The following PLEKHG4B variants were observed in gnomAD, a reference collection of about 807,000 sequenced individuals.
PLEKHG4B encodes the protein pleckstrin homology domain-containing family G member 4B.
PLEKHG4B carries 111 observed loss-of-function variants against 121.3 expected under a neutral mutation model. The ratio of observed to expected loss-of-function variants is 0.92; its 90% confidence interval spans 0.78 to 1.07. The LOEUF (loss-of-function observed/expected upper bound fraction) is 1.07, where lower values mean the gene tolerates loss of function less well. PLEKHG4B is among the 50% of genes least tolerant of loss of function. The probability of loss-of-function intolerance (pLI) is 0.00; values close to 1 mark genes in which losing one functional copy is unlikely to be tolerated. For synonymous variants in PLEKHG4B, 738 were observed against 725.0 expected (o/e 1.02, Z -0.29); for missense variants, 1,831 against 1,757.8 (o/e 1.04, Z -0.74).
In PLEKHG4B at chr5:123,534, T is replaced by C. The variant is rs192866774; in HGVS notation, c.243+10086T>C. ...CTTTGTTAAAAGATTTTTAAATTAC[T>C]GATTCAATCTACTTAGCAGTCATAG... On this transcript the variant is annotated intron_variant, in intron 2 of 19. Coordinates refer to ENST00000637938, the MANE Select transcript of PLEKHG4B (RefSeq NM_052909.5). 2.0e-5 allele frequency among the ~76,000 whole-genome samples: 3 copies of C among 152,346 alleles called. No homozygotes were observed. The East Asian group carries it at 5.8e-4, about 29-fold the overall frequency.
At position 144,813 on chromosome 5, in the gene PLEKHG4B, C is replaced by T. The variant is rs1214187616; in HGVS notation, c.1812-14C>T. 28 of 1,610,554 alleles carry T rather than the reference C, an allele frequency of 1.7e-5. No homozygotes were observed. The highest frequency in any genetic ancestry group is 2.1e-5 in the Non-Finnish European group (25 of 1,177,764). ...ACCTTCAGTGGTTAAGATGGGCTGT[C>T]TTTCCCTCCCCAGGAAAGAGGTCCG... On this transcript the variant is annotated splice_polypyrimidine_tract_variant and intron_variant, in intron 5 of 19. Transcript: ENST00000637938.
chr5:158,429 T>C (rs1168548070), intron 11 of PLEKHG4B, among the ~76,000 whole-genome samples: 12 of 134,654 alleles, frequency 8.9e-5, no homozygotes, highest in African/African-American at 2.9e-4. Flanking sequence ...GTCTCCTCCT[T>C]CTCCTCTCCT....
rs534060727 is a variant in PLEKHG4B at position 105,472 on chromosome 5, G to A, written c.46-7779G>A. On this transcript the variant is annotated intron_variant, in intron 1 of 19. Transcript: ENST00000637938. ...TCAGATCTACAATTTAGAAAAATTA[G>A]TTTCAATCATCTTGTCAATGGTATC... Among the ~76,000 whole-genome samples, 3 of 152,342 alleles carry A rather than the reference G, an allele frequency of 2.0e-5. No individual in the cohort carries two copies. The South Asian group carries it at 6.2e-4, about 32-fold the overall frequency.
At position 156,453 on chromosome 5, in the gene PLEKHG4B, C is replaced by T. The variant is rs1287803815; in HGVS notation, c.2348+243C>T. On this transcript the variant is annotated intron_variant, in intron 10 of 19. Transcript: ENST00000637938. The surrounding 1 kb of genome is among the most constrained non-coding windows in gnomAD (Gnocchi z 4.4). The stretch of plus-strand genomic sequence containing the variant: ...GGTGGTCAGAGTGCATCAGAATGAG[C>T]TCATTCTTGACCAGTGCTGCCTGGG... 6.6e-6 allele frequency among the ~76,000 whole-genome samples: 1 copy of T among 151,740 alleles called. No individual in the cohort carries two copies. Among genetic ancestry groups the T allele is most frequent in the Non-Finnish European group, 1.5e-5 (1 of 67,960 alleles).
At position 156,775 on chromosome 5, in the gene PLEKHG4B, A is replaced by C. The variant is rs1735796083; in HGVS notation, c.2351A>C (p.Asp784Ala). ...GAGGACTGCCTTCTCTTCCTCAGGG[A>C]CACCCTGGAGGCCGCCACAAGCCTG... Reference protein sequence around the residue: ...REELGTEDSRDTLEAATSLYD... With the variant: ...REELGTEDSRATLEAATSLYD... Residue 784 changes from aspartate to alanine, a missense_variant and splice_region_variant, in exon 11 of 20, where the codon GAC becomes GCC. Coordinates refer to ENST00000637938, the MANE Select transcript of PLEKHG4B (RefSeq NM_052909.5). The surrounding 1 kb of genome is among the most constrained non-coding windows in gnomAD (Gnocchi z 4.4). The C allele has an allele frequency of 1.3e-6, 2 of 1,551,468 alleles. No individual in the cohort carries two copies. The highest frequency in any genetic ancestry group is 3.9e-5 in the Admixed American group (2 of 51,294).
At chr5:164,887 G>A (rs1449729370) in intron 13 of PLEKHG4B, among the ~76,000 whole-genome samples, 41 of 75,310 alleles carry the variant, frequency 5.4e-4, no homozygotes, top group African/African-American at 1.6e-3. Context: ...CTGACGGGGC[G>A]GAGCTCACAC....
chr5:161,888 G>C lies in PLEKHG4B; in HGVS notation c.2593G>C (p.Glu865Gln), dbSNP rs551952673. 2 of 1,613,696 alleles carry C rather than the reference G, an allele frequency of 1.2e-6. No homozygotes were observed. Among genetic ancestry groups the C allele is most frequent in the African/African-American group, 1.3e-5 (1 of 75,058 alleles). Residue 865 changes from glutamate to glutamine, a missense_variant, in exon 12 of 20, where the codon GAG becomes CAG. Glu to Gln is a conservative substitution (Grantham distance 29). Transcript: ENST00000637938. The stretch of plus-strand genomic sequence containing the variant: ...CCTGAGCGCCGTGGTCAGCCAGGCT[G>C]AGTGCAGGGAGGGAGAGCTGGCCAG... ...RGLSAVVSQA[E>Q]CREGELARWT...
At chr5:116,855 G>T (rs957158137) in intron 2 of PLEKHG4B, among the ~76,000 whole-genome samples, 1 of 152,190 alleles carries the variant, frequency 6.6e-6, no homozygotes, top group Admixed American at 6.5e-5. Context: ...TATGTGAGGT[G>T]GTCTGTTCAG....
Position 173,126 on chromosome 5 carries a change from G to A in PLEKHG4B, c.4221+59G>A, listed in dbSNP as rs185580551. 385 of 1,554,472 alleles carry A rather than the reference G, an allele frequency of 2.5e-4. 1 individual carries two copies. The African/African-American group carries it at 2.7e-3, about 11-fold the overall frequency. On this transcript the variant is annotated intron_variant, in intron 17 of 19. Transcript: ENST00000637938. ...GAGCCAGGCCCTCCAAGGGGGTCTC[G>A]GACCCTTGTCTCACCTAAGGCCAGC...
chr5:169,073 A>G lies in PLEKHG4B; in HGVS notation c.3477-267A>G, dbSNP rs1159166886. ...GTATTTTGAGTAGAGACGAGGTTTC[A>G]CCATGTTGGCCAGGCTGGTCTCGAT... On this transcript the variant is annotated intron_variant, in intron 13 of 19. Coordinates refer to ENST00000637938, the MANE Select transcript of PLEKHG4B (RefSeq NM_052909.5). 3.1e-5 allele frequency: 14 copies of G among 454,132 alleles called. No homozygotes were observed. In the Admixed American group the frequency reaches 5.5e-4, roughly 18 times the overall value. 28.1% of individuals were successfully genotyped at this position (454,132 alleles called of 1,614,324 possible). A position where few individuals can be genotyped will look rare whatever the true frequency, so the allele number is the denominator to read the frequency against.
In PLEKHG4B at chr5:140,480, TAG is replaced by T; in HGVS notation, c.1245_1246del (p.Lys416GlyfsTer175). On this transcript the variant is annotated frameshift_variant, in exon 3 of 20. Transcript: ENST00000637938. LOFTEE classifies it high-confidence loss of function. ...GGAGACCCCCAACAGACCCCAAGTC[TAG>T]AGAAGGAGAGGCACACACCCAGCCG... The T allele has an allele frequency of 6.3e-7, 1 of 1,593,820 alleles. No individual in the cohort carries two copies. Among genetic ancestry groups the T allele is most frequent in the Non-Finnish European group, 8.5e-7 (1 of 1,170,614 alleles).
Position 185,599 on chromosome 5 carries a change from T to G in PLEKHG4B, c.*3276T>G, listed in dbSNP as rs1051271010. ...ATGCCACTGCCCCCGTGAAAGCCAC[T>G]TCAAGCGTGTTGCTTCAAATCAGAA... On this transcript the variant is annotated 3_prime_UTR_variant, in exon 20 of 20. Coordinates refer to ENST00000637938, the MANE Select transcript of PLEKHG4B (RefSeq NM_052909.5). The G allele has an allele frequency of 7.2e-5, 11 of 152,300 alleles. No homozygotes were observed. The highest frequency in any genetic ancestry group is 2.0e-4 in the Admixed American group (3 of 15,284). 9.4% of individuals were successfully genotyped at this position (152,300 alleles called of 1,614,324 possible).
Position 188,912 on chromosome 5 carries a change from AGGGGCCAGC to A in PLEKHG4B, c.*6593_*6601del. On this transcript the variant is annotated 3_prime_UTR_variant, in exon 20 of 20. Coordinates refer to ENST00000637938, the MANE Select transcript of PLEKHG4B (RefSeq NM_052909.5). ...CCACGTCTGTGCTGTCACAGCTTTG[AGGGGCCAGC>A]GGGTCCTAGGGAGAGGCCCGTGCGA... The A allele has an allele frequency of 6.6e-6, 1 of 152,238 alleles. No homozygotes were observed. The highest frequency in any genetic ancestry group is 1.9e-4 in the East Asian group (1 of 5,200). The allele number at this position is 152,238 out of a possible 1,614,324, so 9.4% of individuals were successfully genotyped here.
At chr5:169,311 G>T (rs774123994) in intron 13 of PLEKHG4B, 29 bp from the exon 14 acceptor site, 52 of 1,611,366 alleles carry the variant, frequency 3.2e-5, no homozygotes, top group Non-Finnish European at 4.2e-5. Context: ...GGGGGGCCGT[G>T]TGCCCCCCGG....
chr5:179,352 G>A (rs1736861313), intron 18 of PLEKHG4B, among the ~76,000 whole-genome samples: 1 of 152,160 alleles, frequency 6.6e-6, no homozygotes, highest in Non-Finnish European at 1.5e-5. Context: ...TGAGAGAGGA[G>A]GGGAAGGCCA....
At chr5:106,825 C>T (rs964049749) in intron 1 of PLEKHG4B, among the ~76,000 whole-genome samples, 1 of 152,030 alleles carries the variant, frequency 6.6e-6, no homozygotes, top group Non-Finnish European at 1.5e-5. Flanking sequence ...TGAGGTGCCA[C>T]GTGCAGCTTC....
Position 157,177 on chromosome 5 carries a change from C to A in PLEKHG4B, c.2487+266C>A. ...GGAGAAAAATAATTTCACACTGTGC[C>A]TTCTGATGCTACCAGTGTGAATAGC... is the stretch of plus-strand genomic sequence containing the variant. On this transcript the variant is annotated intron_variant, in intron 11 of 19. Transcript: ENST00000637938. The surrounding 1 kb of genome is among the most constrained non-coding windows in gnomAD (Gnocchi z 4.6). 1 of 484,862 alleles carries A rather than the reference C, an allele frequency of 2.1e-6. No individual in the cohort carries two copies. The highest frequency in any genetic ancestry group is 2.1e-5 in the South Asian group (1 of 48,688). The allele number at this position is 484,862 out of a possible 1,614,324, so 30.0% of individuals were successfully genotyped here. A position where few individuals can be genotyped will look rare whatever the true frequency, so the allele number is the denominator to read the frequency against.
In PLEKHG4B at chr5:137,095, G is replaced by C. The variant is rs748457646; in HGVS notation, c.244-2388G>C. Among the ~76,000 whole-genome samples the C allele has an allele frequency of 1.3e-5, 2 of 152,214 alleles. No homozygotes were observed. Among genetic ancestry groups the C allele is most frequent in the Non-Finnish European group, 2.9e-5 (2 of 68,042 alleles). On this transcript the variant is annotated intron_variant, in intron 2 of 19. Coordinates refer to ENST00000637938, the MANE Select transcript of PLEKHG4B (RefSeq NM_052909.5). This position sits in a 1 kb window ranked among gnomAD's most constrained non-coding sequence, Gnocchi z 4.2. ...TTATGCAACCCTCAGAAGGAGTGCA[G>C]TTCCAACACGTGCCACATGTGGCAT...
At position 163,269 on chromosome 5, in the gene PLEKHG4B, C is replaced by T; in HGVS notation, c.3197C>T (p.Thr1066Ile). Residue 1066 changes from threonine (T) to isoleucine (I), a missense_variant, in exon 13 of 20, where the codon ACC becomes ATC. By Grantham distance (89) the Thr-to-Ile change is moderately conservative. Transcript: ENST00000637938. ...SSACSSEPTQ[T>I]LASRPRKHPQ... ...GCCTGTTCCTCTGAGCCCACCCAGA[C>T]CCTGGCCAGCCGCCCCAGGAAACAT... 2.5e-6 allele frequency: 4 copies of T among 1,612,806 alleles called. No individual in the cohort carries two copies. The highest frequency in any genetic ancestry group is 3.4e-6 in the Non-Finnish European group (4 of 1,179,844).
Sources: gnomAD v4.1 joint callset for allele counts (sites outside exome capture counted in the v4.1 genomes callset) on GRCh38, gnomAD v4.1.1 for gene constraint, Gnocchi (gnomAD v3.1) non-coding constraint, MANE v1.5 for transcripts, NCBI Gene and HGNC (gene_info 2026-07-23, HGNC 2026-07-21) for gene names.